NPY5R: variants seen among roughly 807,000 people sequenced by gnomAD.
NPY5R encodes neuropeptide Y receptor Y5.
In NPY5R, 21 loss-of-function variants were observed where a neutral mutation model predicts 24.8. The ratio of observed to expected loss-of-function variants is 0.85; its 90% CI spans 0.60 to 1.22. NPY5R has a LOEUF of 1.22. Ranked by LOEUF, NPY5R falls within the 50% of genes most tolerant of loss-of-function variation. The pLI, the probability that NPY5R is intolerant of heterozygous loss-of-function variation, is 0.00. For synonymous variants in NPY5R, 175 were observed against 183.0 expected (o/e 0.96, Z 0.35); for missense variants, 481 against 521.3 (o/e 0.92, Z 0.75).
intron 3 of NPY5R, among the ~76,000 whole-genome samples, chr4:163,348,090 G>A (rs536636658): frequency 6.6e-6 from 1 of 152,116 alleles, no homozygotes; most frequent in Non-Finnish European, 1.5e-5. Context: ...ACGAAGACCT[G>A]CAGGTCCCTC....
Position 163,350,384 on chromosome 4 carries a change from A to G in NPY5R, c.111A>G (p.Val37=). 6.2e-7 allele frequency: 1 copy of G among 1,613,968 alleles called. No homozygotes were observed. Among genetic ancestry groups the G allele is most frequent in the Non-Finnish European group, 8.5e-7 (1 of 1,179,848 alleles). Residue 37 remains valine, a synonymous_variant, in exon 4 of 4, where the codon GTA becomes GTG. Transcript: ENST00000338566. The part of the protein sequence containing the change: ...FPVWDDYKSS[V]DDLQYFLIGL... ...TCTGGGATGACTATAAAAGCAGTGT[A>G]GATGACTTACAGTATTTTCTGATTG...
intron 3 of NPY5R, among the ~76,000 whole-genome samples, chr4:163,348,516 G>A (rs370609324): frequency 1.3e-5 from 2 of 151,898 alleles, no homozygotes; most frequent in Admixed American, 6.6e-5. Flanking sequence ...GTAGTCCCAC[G>A]TGCCTGTAGT....
At chr4:163,350,234 T>C (rs1735428393) in intron 3 of NPY5R, 31 bp from the exon 4 acceptor site, 1 of 1,500,320 alleles carries the variant, frequency 6.7e-7, no homozygotes, top group South Asian at 1.4e-5. Flanking sequence ...GTTTTTTTGG[T>C]TGCTGACAAA....
intron 3 of NPY5R, 91 bp from the exon 4 acceptor site, chr4:163,350,174 G>T: frequency 1.3e-6 from 1 of 775,672 alleles, no homozygotes; most frequent in Non-Finnish European, 2.0e-6. Context: ...GGAGCTGATT[G>T]TAATATTTAG....
chr4:163,350,233 GT>G (rs1348077619), intron 3 of NPY5R, 31 bp from the exon 4 acceptor site: 1 of 1,493,290 alleles, frequency 6.7e-7, no homozygotes, highest in African/African-American at 1.4e-5. Flanking sequence ...TGTTTTTTTG[GT>G]TGCTGACAAA....
intron 3 of NPY5R, chr4:163,349,410 A>T (rs1056548882): frequency 5.2e-5 from 25 of 479,314 alleles, no homozygotes; most frequent in Non-Finnish European, 6.5e-5. Flanking sequence ...ATTATAATGC[A>T]ATGAAAGCAG....
chr4:163,349,919 A>C (rs528601387), intron 3 of NPY5R, among the ~76,000 whole-genome samples: 5 of 152,158 alleles, frequency 3.3e-5, no homozygotes, highest in African/African-American at 7.2e-5. Context: ...GATCGAGACC[A>C]CGGTGAAACC....
chr4:163,344,695 T>C (rs978966669), intron 1 of NPY5R: 10 of 152,264 alleles, frequency 6.6e-5, no homozygotes, highest in Admixed American at 3.3e-4. Context: ...GGAATTCTTT[T>C]TTCCAAGTTC....
chr4:163,345,983 A>C (rs898211666), intron 2 of NPY5R, among the ~76,000 whole-genome samples: 72 of 140,062 alleles, frequency 5.1e-4, no homozygotes, highest in African/African-American at 1.8e-3. Context: ...TAGTCGTAAG[A>C]AGAAATTCTT....
At chr4:163,347,016 T>C (rs1735282459) in intron 2 of NPY5R, among the ~76,000 whole-genome samples, 1 of 152,322 alleles carries the variant, frequency 6.6e-6, no homozygotes, top group African/African-American at 2.4e-5. Flanking sequence ...TACACACATA[T>C]ATATGTACAC....
chr4:163,344,631 A>G (rs1363414794), intron 1 of NPY5R: 1 of 152,274 alleles, frequency 6.6e-6, no homozygotes, highest in African/African-American at 2.4e-5. Context: ...AGGTGTCTTC[A>G]TATAACAAAT....
chr4:163,350,957 T>G lies in NPY5R; in HGVS notation c.684T>G (p.Thr228=). The change falls in exon 4 of 4, where the codon ACT becomes ACG. Residue 228 remains threonine (T), a synonymous_variant. Coordinates refer to ENST00000338566, the MANE Select transcript of NPY5R (RefSeq NM_006174.4). ...ATATTCTGCCCTTAGTTTGTCTTAC[T>G]GTAAGTCATACAAGTGTCTGCAGAA... ...VQYILPLVCL[T]VSHTSVCRSI... The G allele has an allele frequency of 6.2e-7, 1 of 1,613,990 alleles. No homozygotes were observed. Among genetic ancestry groups the G allele is most frequent in the African/African-American group, 1.3e-5 (1 of 75,074 alleles).
At chr4:163,347,307 C>G (rs1735293501) in intron 2 of NPY5R, 145 bp from the exon 3 acceptor site, 1 of 152,156 alleles carries the variant, frequency 6.6e-6, no homozygotes, top group South Asian at 2.1e-4. Context: ...TCTATTACCA[C>G]AAATTGTGCT....
At position 163,351,915 on chromosome 4, in the gene NPY5R, T is replaced by C. The variant is rs1446997711; in HGVS notation, c.*304T>C. The C allele has an allele frequency of 1.5e-5, 3 of 194,624 alleles. No individual in the cohort carries two copies. Among genetic ancestry groups the C allele is most frequent in the African/African-American group, 7.1e-5 (3 of 42,522 alleles). The allele number at this position is 194,624 out of a possible 1,614,324, so 12.1% of individuals were successfully genotyped here. A position where few individuals can be genotyped will look rare whatever the true frequency, so the allele number is the denominator to read the frequency against. On this transcript the variant is annotated 3_prime_UTR_variant, in exon 4 of 4. Coordinates refer to ENST00000338566, the MANE Select transcript of NPY5R (RefSeq NM_006174.4). ...AATGAATTGTATTTTTTGTTGAAAG[T>C]AAAAGTTATATCTAACCAACTCAGT... is the stretch of plus-strand genomic sequence containing the variant.
Position 163,351,057 on chromosome 4 carries a change from T to C in NPY5R, c.784T>C (p.Ser262Pro), listed in dbSNP as rs1351647760. 1 of 1,613,972 alleles carries C rather than the reference T, an allele frequency of 6.2e-7. No homozygotes were observed. Among genetic ancestry groups the C allele is most frequent in the African/African-American group, 1.3e-5 (1 of 74,916 alleles). Reference sequence around the variant, plus strand: ...GATGATCAACTTAACTCTTCATCCATCCAAAAAGAGTGGGCCTCAGGTGAA... The same window carrying C: ...GATGATCAACTTAACTCTTCATCCACCCAAAAAGAGTGGGCCTCAGGTGAA... ...NEMINLTLHP[S>P]KKSGPQVKLS... The change falls in exon 4 of 4, where the codon TCC becomes CCC. Residue 262 changes from serine (S) to proline (P), a missense_variant. Ser to Pro is a moderately conservative substitution (Grantham distance 74, BLOSUM62 -1). Transcript: ENST00000338566.
At chr4:163,352,272 A>T (rs1243827510), downstream of NPY5R, among the ~76,000 whole-genome samples, 3 of 152,184 alleles carry the variant, frequency 2.0e-5, no homozygotes, top group South Asian at 2.1e-4. Flanking sequence ...AGAATTTTAA[A>T]TCCTTTCCAG....
At position 163,350,683 on chromosome 4, in the gene NPY5R, T is replaced by C. The variant is rs1424998085; in HGVS notation, c.410T>C (p.Ile137Thr). The C allele has an allele frequency of 1.2e-6, 2 of 1,614,002 alleles. No homozygotes were observed. The highest frequency in any genetic ancestry group is 1.6e-4 in the Middle Eastern group (1 of 6,062). Residue 137 changes from isoleucine to threonine, a missense_variant, in exon 4 of 4, where the codon ATT (isoleucine) becomes ACT (threonine). Coordinates refer to ENST00000338566, the MANE Select transcript of NPY5R (RefSeq NM_006174.4). ...ACTTTAATTTTAATATCAATTGCCA[T>C]TGTCAGGTATCATATGATAAAACAT... ...VSTLILISIA[I>T]VRYHMIKHPI... is the part of the protein sequence containing the mutation.
chr4:163,346,934 T>C (rs116264806), intron 2 of NPY5R, among the ~76,000 whole-genome samples: 125 of 152,278 alleles, frequency 8.2e-4, no homozygotes, highest in Non-Finnish European at 1.4e-3. Context: ...CTCCTCCTCA[T>C]TGCATTTTGG....
intron 1 of NPY5R, 149 bp downstream of exon 1, chr4:163,344,149 C>G (rs963360921): frequency 6.6e-6 from 1 of 152,498 alleles, no homozygotes. Context: ...TGTCGGGGGT[C>G]CCAAGAGAGC....
Sources: gnomAD v4.1 joint callset for allele counts (sites outside exome capture counted in the v4.1 genomes callset) on GRCh38, gnomAD v4.1.1 for gene constraint, MANE v1.5 for transcripts, NCBI Gene and HGNC (gene_info 2026-07-23, HGNC 2026-07-21) for gene names.